Variants in GABRG2 observed in about 807,000 individuals in gnomAD.
GABRG2 encodes gamma-aminobutyric acid type A receptor subunit gamma2.
A neutral mutation model predicts 56.4 loss-of-function variants in GABRG2; 16 were observed. The observed-to-expected ratio is 0.28, with a 90% confidence interval of 0.19 to 0.43. The LOEUF (loss-of-function observed/expected upper bound fraction) is 0.43. Ranked by LOEUF, GABRG2 falls within the 20% of genes least tolerant of loss-of-function variation. The pLI, the probability that GABRG2 is intolerant of heterozygous loss-of-function variation, is 1.00. For synonymous variants in GABRG2, 208 were observed against 205.5 expected (o/e 1.01, Z -0.10); for missense variants, 327 against 582.7 (o/e 0.56, Z 4.52).
At chr5:162,107,378 C>T (rs1561646516) in intron 6 of GABRG2, among the ~76,000 whole-genome samples, 1 of 152,046 alleles carries the variant, frequency 6.6e-6, no homozygotes, top group Non-Finnish European at 1.5e-5. Context: ...GTTCCCTAGA[C>T]TTTGAATATG....
chr5:162,082,848 C>T (rs1241565165), intron 1 of GABRG2, among the ~76,000 whole-genome samples: 4 of 151,356 alleles, frequency 2.6e-5, no homozygotes, highest in Non-Finnish European at 4.4e-5. Flanking sequence ...ACTTTTAAAG[C>T]GAACAATAAA....
At chr5:162,152,977 A>G in intron 9 of GABRG2, 116 bp from the exon 10 acceptor site, 1 of 1,226,044 alleles carries the variant, frequency 8.2e-7, no homozygotes, top group African/African-American at 1.5e-5. Flanking sequence ...TGTCATAGCA[A>G]TTTCCTGAGT....
intron 1 of GABRG2, among the ~76,000 whole-genome samples, chr5:162,089,276 A>C (rs551664255): frequency 6.6e-6 from 1 of 152,214 alleles, no homozygotes; most frequent in African/African-American, 2.4e-5. Context: ...CGGAACAAGA[A>C]ATTCCTGTAT....
intron 8 of GABRG2, chr5:162,150,072 A>G (rs1259388543): frequency 6.4e-6 from 1 of 156,064 alleles, no homozygotes; most frequent in African/African-American, 2.4e-5. Context: ...GTCACCAGAT[A>G]ATTTCTATTG....
chr5:162,114,797 T>C (rs1243262268), intron 6 of GABRG2, among the ~76,000 whole-genome samples: 3 of 152,224 alleles, frequency 2.0e-5, no homozygotes, highest in African/African-American at 7.2e-5. Flanking sequence ...CTGTCCACTT[T>C]CATGGAAGAT....
At chr5:162,092,805 A>G (rs1056421479) in intron 1 of GABRG2, among the ~76,000 whole-genome samples, 2 of 152,186 alleles carry the variant, frequency 1.3e-5, no homozygotes, top group South Asian at 2.1e-4. Flanking sequence ...GGGAAATGTT[A>G]TATTTTAAGT....
intron 9 of GABRG2, 161 bp from the exon 10 acceptor site, chr5:162,152,932 C>T (rs1439031984): frequency 5.9e-6 from 5 of 851,058 alleles, no homozygotes; most frequent in Non-Finnish European, 9.4e-6. Context: ...AATGTGCTAT[C>T]TTTCTAAGTT....
intron 6 of GABRG2, among the ~76,000 whole-genome samples, chr5:162,110,440 T>G (rs1487193076): frequency 6.6e-6 from 1 of 152,126 alleles, no homozygotes; most frequent in Non-Finnish European, 1.5e-5. Flanking sequence ...TGTTTACATA[T>G]GAATAAAATG....
intron 1 of GABRG2, 94 bp from the exon 2 acceptor site, chr5:162,093,734 C>A: frequency 8.5e-7 from 1 of 1,179,824 alleles, no homozygotes; most frequent in Non-Finnish European, 1.3e-6. Flanking sequence ...TTTCTTTTAT[C>A]CTGTTTTATT....
At chr5:162,145,738 T>A (rs1212776549) in intron 7 of GABRG2, among the ~76,000 whole-genome samples, 4 of 152,190 alleles carry the variant, frequency 2.6e-5, no homozygotes, top group Non-Finnish European at 1.5e-5. Context: ...TTTAAAAAAA[T>A]TAACTCATCT....
At position 162,149,144 on chromosome 5, in the gene GABRG2, C is replaced by T. The variant is rs1765175039; in HGVS notation, c.959C>T (p.Thr320Ile). ...GTCCTGACAATGACCACCCTCAGCA[C>T]CATTGCCCGGAAATCGCTCCCCAAG... is the stretch of plus-strand genomic sequence containing the variant. Reference protein sequence around the residue: ...TTVLTMTTLSTIARKSLPKVS... With the variant: ...TTVLTMTTLSIIARKSLPKVS... Residue 320 changes from threonine to isoleucine, a missense_variant, in exon 8 of 10, where the codon ACC becomes ATC. Transcript: ENST00000639213. The T allele has an allele frequency of 6.2e-7, 1 of 1,614,002 alleles. No individual in the cohort carries two copies. Among genetic ancestry groups the T allele is most frequent in the African/African-American group, 1.3e-5 (1 of 75,026 alleles).
chr5:162,135,809 A>G (rs1422630847), intron 6 of GABRG2, among the ~76,000 whole-genome samples: 1 of 152,192 alleles, frequency 6.6e-6, no homozygotes, highest in African/African-American at 2.4e-5. Flanking sequence ...TGAGGAAGGC[A>G]TGTAAAGAAC....
chr5:162,124,384 G>C (rs1351135965), intron 6 of GABRG2, among the ~76,000 whole-genome samples: 4 of 151,736 alleles, frequency 2.6e-5, no homozygotes, highest in East Asian at 1.9e-4. Flanking sequence ...GAGAGAAATT[G>C]CTTTATAATA....
intron 9 of GABRG2, chr5:162,152,125 C>G (rs1276512677): frequency 6.2e-5 from 12 of 194,338 alleles, no homozygotes; most frequent in Non-Finnish European, 1.0e-4. Flanking sequence ...AATCTTAATT[C>G]AAAATGTATT....
intron 6 of GABRG2, among the ~76,000 whole-genome samples, chr5:162,122,119 T>G (rs1763017920): frequency 6.6e-6 from 1 of 151,992 alleles, no homozygotes; most frequent in East Asian, 1.9e-4. Flanking sequence ...ATTTCTTAAT[T>G]CCTCTAGAAT....
chr5:162,083,816 A>G (rs1196360090), intron 1 of GABRG2, among the ~76,000 whole-genome samples: 1 of 151,882 alleles, frequency 6.6e-6, no homozygotes, highest in East Asian at 1.9e-4. Flanking sequence ...AAGAAATCTG[A>G]ATCTGTAAGT....
chr5:162,135,854 A>T (rs141662074), intron 6 of GABRG2, among the ~76,000 whole-genome samples: 442 of 152,208 alleles, frequency 2.9e-3, no homozygotes, highest in Middle Eastern at 0.01. Context: ...ATCACTATTT[A>T]ATATGAGTCC....
intron 1 of GABRG2, among the ~76,000 whole-genome samples, chr5:162,088,790 G>T (rs1042052109): frequency 9.9e-5 from 15 of 152,074 alleles, no homozygotes; most frequent in African/African-American, 3.6e-4. Context: ...TTCTTTATCT[G>T]TAAAACAGGA....
At chr5:162,141,122 C>T (rs889627044) in intron 6 of GABRG2, among the ~76,000 whole-genome samples, 11 of 152,100 alleles carry the variant, frequency 7.2e-5, no homozygotes, top group African/African-American at 2.2e-4. Flanking sequence ...CTGCAAGCTC[C>T]GCCTCCCGGG....
Sources: allele counts gnomAD v4.1 joint callset (sites outside exome capture counted in the v4.1 genomes callset), GRCh38; gene constraint gnomAD v4.1.1; transcripts MANE v1.5; gene names NCBI Gene and HGNC (gene_info 2026-07-23, HGNC 2026-07-21).